Variants in SHLD1 observed in about 807,000 individuals in gnomAD.
The protein encoded by SHLD1 is RINN1-REV7-interacting novel NHEJ regulator 3.
A neutral mutation model predicts 5.5 loss-of-function variants in SHLD1; 3 were observed. The ratio of observed to expected loss-of-function variants is 0.54; its 90% CI spans 0.25 to 1.40. The LOEUF (loss-of-function observed/expected upper bound fraction) is 1.40, where lower values mean the gene tolerates loss of function less well. Among genes scored for constraint, SHLD1 ranks in the 40% most tolerant of loss-of-function variants. The pLI, the probability that SHLD1 is intolerant of heterozygous loss-of-function variation, is 0.15. For missense variants in SHLD1, 210 were observed against 244.4 expected (o/e 0.86, Z 0.94); for synonymous variants, 92 against 94.3 (o/e 0.98, Z 0.14).
At chr20:5,847,696 C>T (rs2087948251) in intron 2 of SHLD1, among the ~76,000 whole-genome samples, 1 of 152,146 alleles carries the variant, frequency 6.6e-6, no homozygotes, top group South Asian at 2.1e-4. Context: ...GAAATGGAAA[C>T]CCAAATTGGA....
intron 2 of SHLD1, among the ~76,000 whole-genome samples, chr20:5,821,616 C>T (rs983526976): frequency 6.6e-6 from 1 of 150,644 alleles, no homozygotes; most frequent in Admixed American, 6.6e-5. Flanking sequence ...TTCTGGAAAA[C>T]TCAAACATCG....
At chr20:5,781,621 G>A (rs542206849) in intron 2 of SHLD1, among the ~76,000 whole-genome samples, 125 of 151,286 alleles carry the variant, frequency 8.3e-4, no homozygotes, top group African/African-American at 2.9e-3. Context: ...GGGATTACAG[G>A]CACCCACCAC....
chr20:5,820,042 G>A (rs1224461087), intron 2 of SHLD1, among the ~76,000 whole-genome samples: 1 of 152,174 alleles, frequency 6.6e-6, no homozygotes, highest in Non-Finnish European at 1.5e-5. Context: ...CCATCTCCTG[G>A]GTTCAAGTGA....
At chr20:5,790,187 CCT>C (rs2087118902) in intron 2 of SHLD1, among the ~76,000 whole-genome samples, 1 of 152,122 alleles carries the variant, frequency 6.6e-6, no homozygotes, top group South Asian at 2.1e-4. Context: ...GATCCCACTA[CCT>C]CAGACAGCCC....
intron 2 of SHLD1, among the ~76,000 whole-genome samples, chr20:5,785,420 C>A (rs929131354): frequency 6.6e-6 from 1 of 152,190 alleles, no homozygotes; most frequent in East Asian, 1.9e-4. Flanking sequence ...ATCTGAGACT[C>A]AAACCTGGGT....
At chr20:5,840,734 C>T (rs2087847611) in intron 2 of SHLD1, among the ~76,000 whole-genome samples, 1 of 152,198 alleles carries the variant, frequency 6.6e-6, no homozygotes, top group Non-Finnish European at 1.5e-5. Flanking sequence ...TTCTGCAGCT[C>T]TCCTAACAAT....
rs78533864 is a variant in SHLD1 at position 5,848,206 on chromosome 20, A to G, written c.179-14818A>G. On this transcript the variant is annotated intron_variant, in intron 2 of 2. Transcript: ENST00000303142. ...AACACTCTTGCATATGGATACATAT[A>G]TATGTGTGTGTATGTGTGTATATAT... Among the ~76,000 whole-genome samples the G allele has an allele frequency of 8.5e-3, 1,302 of 152,352 alleles. 16 individuals are homozygous for G. The highest frequency in any genetic ancestry group is 0.026 in the African/African-American group (1,062 of 41,580).
rs974113865 is a variant in SHLD1 at position 5,815,801 on chromosome 20, C to G, written c.178+42758C>G. ...TGTTTTTATATAAAAGAAATGAGGT[C>G]TGGGTATAGTGGCTCATGCCTGTAA... is the stretch of plus-strand genomic sequence containing the variant. On this transcript the variant is annotated intron_variant, in intron 2 of 2. Coordinates refer to ENST00000303142, the MANE Select transcript of SHLD1 (RefSeq NM_152504.4). Among the ~76,000 whole-genome samples the G allele has an allele frequency of 2.0e-5, 3 of 152,134 alleles. No individual in the cohort carries two copies. In the East Asian group the frequency reaches 5.8e-4, roughly 29 times the overall value.
intron 2 of SHLD1, among the ~76,000 whole-genome samples, chr20:5,773,946 G>C (rs1432924169): frequency 2.0e-5 from 3 of 152,160 alleles, no homozygotes; most frequent in Admixed American, 6.6e-5. Context: ...GCTCACACCT[G>C]TAATCCTAAC....
intron 2 of SHLD1, among the ~76,000 whole-genome samples, chr20:5,848,259 G>C (rs2087955532): frequency 6.6e-6 from 1 of 152,200 alleles, no homozygotes; most frequent in Non-Finnish European, 1.5e-5. Context: ...TGGGCTGAGG[G>C]CTGGGCATGG....
chr20:5,852,980 T>C (rs1184959466), intron 2 of SHLD1, among the ~76,000 whole-genome samples: 1 of 152,188 alleles, frequency 6.6e-6, no homozygotes, highest in Non-Finnish European at 1.5e-5. Context: ...TCCACAAATG[T>C]ACCAAGTTCC....
At position 5,773,000 on chromosome 20, in the gene SHLD1, T is replaced by G. The variant is rs752011624; in HGVS notation, c.135T>G (p.Ser45=). The change falls in exon 2 of 3, where the codon TCT becomes TCG. Residue 45 remains serine (S), a synonymous_variant. Transcript: ENST00000303142. ...AAGCCAACAGCGAGGCTTTCAGTTC[T>G]TTGGAATTCCATTCTTTTCCTTATT... ...SQEANSEAFS[S]LEFHSFPYSS... is the part of the protein sequence containing the mutation. 14 of 1,614,228 alleles carry G rather than the reference T, an allele frequency of 8.7e-6. No homozygotes were observed. The South Asian group carries it at 1.5e-4, about 18-fold the overall frequency.
intron 2 of SHLD1, among the ~76,000 whole-genome samples, chr20:5,839,788 T>G (rs2087835700): frequency 6.6e-6 from 1 of 152,212 alleles, no homozygotes; most frequent in Non-Finnish European, 1.5e-5. Flanking sequence ...AGGATGCTTT[T>G]AAGTATTCTT....
chr20:5,763,547 A>G (rs1054301306), intron 1 of SHLD1, among the ~76,000 whole-genome samples: 2 of 152,104 alleles, frequency 1.3e-5, no homozygotes, highest in African/African-American at 2.4e-5. Flanking sequence ...CATGAGACCA[A>G]TGTGTAATTG....
chr20:5,826,026 A>G (rs1030134661), intron 2 of SHLD1, among the ~76,000 whole-genome samples: 7 of 152,184 alleles, frequency 4.6e-5, no homozygotes, highest in African/African-American at 1.4e-4. Context: ...ACATGGGTAT[A>G]GGGCCACACG....
chr20:5,804,341 C>CA (rs142413659), intron 2 of SHLD1, among the ~76,000 whole-genome samples: 22,626 of 120,102 alleles, frequency 0.19, 1,799 homozygotes, highest in Middle Eastern at 0.33. Flanking sequence ...TTGTATATCG[C>CA]AAAAAAAAAC....
chr20:5,829,818 G>A (rs1381883509), intron 2 of SHLD1, among the ~76,000 whole-genome samples: 1 of 152,046 alleles, frequency 6.6e-6, no homozygotes, highest in African/African-American at 2.4e-5. Context: ...CTTTATAATA[G>A]AATTTGCCTT....
At chr20:5,753,489 C>G (rs1420809227) in intron 1 of SHLD1, among the ~76,000 whole-genome samples, 2 of 152,118 alleles carry the variant, frequency 1.3e-5, no homozygotes, top group African/African-American at 4.8e-5. Context: ...TAATAAAAAG[C>G]AGCCCCAAAT....
intron 2 of SHLD1, among the ~76,000 whole-genome samples, chr20:5,839,574 T>C (rs1443140923): frequency 1.3e-5 from 2 of 152,182 alleles, no homozygotes; most frequent in Non-Finnish European, 2.9e-5. Flanking sequence ...ATACCACAGA[T>C]GTGTGGAAGT....
Sources: gnomAD v4.1 joint callset for allele counts (sites outside exome capture counted in the v4.1 genomes callset) on GRCh38, gnomAD v4.1.1 for gene constraint, MANE v1.5 for transcripts, NCBI Gene and HGNC (gene_info 2026-07-23, HGNC 2026-07-21) for gene names.